Variants in ADCY10 observed in about 807,000 individuals in gnomAD.
ADCY10 encodes adenylate cyclase 10, also known as adenylate cyclase type 10.
Under a neutral mutation model 183.3 loss-of-function variants are expected in ADCY10, and 156 were observed. The ratio of observed to expected loss-of-function variants is 0.85; its 90% CI spans 0.75 to 0.97. The LOEUF is 0.97. Among genes scored for constraint, ADCY10 ranks in the 50% least tolerant of loss-of-function variants. ADCY10 has a pLI of 0.00. For missense variants in ADCY10, 1,745 were observed against 1,934.3 expected (o/e 0.90, Z 1.84); for synonymous variants, 645 against 670.0 (o/e 0.96, Z 0.58).
chr1:167,854,491 T>A lies in ADCY10; in HGVS notation c.2172-2A>T. 6.2e-7 allele frequency: 1 copy of A among 1,614,180 alleles called. No homozygotes were observed. The highest frequency in any genetic ancestry group is 8.5e-7 in the Non-Finnish European group (1 of 1,180,008). On this transcript the variant is annotated splice_acceptor_variant, in intron 17 of 32. Coordinates refer to ENST00000367851, the MANE Select transcript of ADCY10 (RefSeq NM_018417.6). LOFTEE classifies it high-confidence loss of function. ...CCACAGCTTCCCTCCCCCAGGTACC[T>A]GTAGTGAAAACAAGGCAATCTGTTT...
In ADCY10 at chr1:167,845,984, C is replaced by T; in HGVS notation, c.2716+1G>A. Reference sequence around the variant, plus strand: ...ATTGGGTCACTCCAGGTGCTACTCACCCATCCCTTCACTGGGCTTCAGAGA... The same window carrying T: ...ATTGGGTCACTCCAGGTGCTACTCATCCATCCCTTCACTGGGCTTCAGAGA... On this transcript the variant is annotated splice_donor_variant, in intron 20 of 32. Coordinates refer to ENST00000367851, the MANE Select transcript of ADCY10 (RefSeq NM_018417.6). LOFTEE classifies it high-confidence loss of function. The T allele has an allele frequency of 6.2e-7, 1 of 1,614,206 alleles. No homozygotes were observed. The highest frequency in any genetic ancestry group is 8.5e-7 in the Non-Finnish European group (1 of 1,180,036).
intron 10 of ADCY10, 35 bp downstream of exon 10, chr1:167,880,456 A>G: frequency 6.7e-7 from 1 of 1,498,806 alleles, no homozygotes; most frequent in East Asian, 2.3e-5. Context: ...CAAAAGGGTC[A>G]GGGACCGCTG....
At chr1:167,876,955 A>G (rs1000390077) in intron 12 of ADCY10, among the ~76,000 whole-genome samples, 8 of 152,092 alleles carry the variant, frequency 5.3e-5, no homozygotes, top group Non-Finnish European at 1.2e-4. Flanking sequence ...AGTTATCCCA[A>G]CTGAGGCCGC....
intron 8 of ADCY10, among the ~76,000 whole-genome samples, chr1:167,889,232 T>C (rs1427642427): frequency 1.3e-5 from 2 of 152,344 alleles, no homozygotes; most frequent in South Asian, 2.1e-4. Context: ...GCTTTTCTTA[T>C]GTTGAGGTAT....
chr1:167,845,422 G>C (rs1005360089), intron 21 of ADCY10, 141 bp downstream of exon 21: 1 of 821,984 alleles, frequency 1.2e-6, no homozygotes, highest in South Asian at 1.6e-5. Flanking sequence ...CATTGGCCTA[G>C]GCTGCTGAAG....
chr1:167,896,509 C>A (rs1668985326), intron 7 of ADCY10, 86 bp downstream of exon 7: 1 of 1,081,430 alleles, frequency 9.2e-7, no homozygotes, highest in Non-Finnish European at 1.4e-6. Flanking sequence ...GGAGCCCACC[C>A]ACCAGTAATG....
intron 29 of ADCY10, 22 bp downstream of exon 29, chr1:167,822,986 T>G (rs760352710): frequency 5.6e-6 from 9 of 1,608,240 alleles, no homozygotes; most frequent in Non-Finnish European, 7.7e-6. Context: ...CAAGTTCTTT[T>G]ACATCCCAAA....
chr1:167,871,726 A>C (rs562377573), intron 13 of ADCY10, among the ~76,000 whole-genome samples: 4 of 152,380 alleles, frequency 2.6e-5, no homozygotes, highest in African/African-American at 9.6e-5. Context: ...TAGACATTTA[A>C]TAAAAAGAAG....
chr1:167,865,888 C>T (rs1666642739), intron 14 of ADCY10, among the ~76,000 whole-genome samples: 1 of 152,192 alleles, frequency 6.6e-6, no homozygotes, highest in South Asian at 2.1e-4. Context: ...TAGCTCTTTT[C>T]CAGGATTCTA....
Position 167,880,479 on chromosome 1 carries a change from G to T in ADCY10, c.1139+12C>A, listed in dbSNP as rs1316836009. ...TCAGGGACCGCTGGGTGGGACCAGG[G>T]TCAATACTCACTGGATTTTGTGGAC... On this transcript the variant is annotated intron_variant, in intron 10 of 32. Coordinates refer to ENST00000367851, the MANE Select transcript of ADCY10 (RefSeq NM_018417.6). 5.0e-6 allele frequency: 8 copies of T among 1,597,122 alleles called. No homozygotes were observed. The highest frequency in any genetic ancestry group is 6.9e-6 in the Non-Finnish European group (8 of 1,164,606).
intron 11 of ADCY10, among the ~76,000 whole-genome samples, 156 bp downstream of exon 11, chr1:167,879,959 A>T (rs972941895): frequency 6.6e-6 from 1 of 152,192 alleles, no homozygotes; most frequent in African/African-American, 2.4e-5. Context: ...CTCTGCAAGC[A>T]TTGAGGGCTC....
intron 8 of ADCY10, among the ~76,000 whole-genome samples, chr1:167,891,599 T>C (rs965256692): frequency 6.8e-6 from 1 of 147,378 alleles, no homozygotes; most frequent in East Asian, 2.0e-4. Flanking sequence ...GAGCTTGCAG[T>C]GAGCCAAGAT....
Position 167,870,339 on chromosome 1 carries a change from A to T in ADCY10, c.1534T>A (p.Leu512Ile), listed in dbSNP as rs199679286. ...TATCCTGGTAATCCCTCATACATTA[A>T]GACTTGGCTGCTGTTAGATATCAAA... ...KFLISNSSQV[L>I]MYEGLPGYGK... is the part of the protein sequence containing the mutation. Residue 512 changes from leucine to isoleucine, a missense_variant, in exon 14 of 33, where the codon TTA becomes ATA. Leu to Ile is a conservative substitution (Grantham distance 5, BLOSUM62 2). Coordinates refer to ENST00000367851, the MANE Select transcript of ADCY10 (RefSeq NM_018417.6). 6.2e-7 allele frequency: 1 copy of T among 1,614,014 alleles called. No homozygotes were observed. Among genetic ancestry groups the T allele is most frequent in the East Asian group, 2.2e-5 (1 of 44,864 alleles).
In ADCY10 at chr1:167,856,405, T is replaced by C. The variant is rs1303128142; in HGVS notation, c.1931A>G (p.Asp644Gly). Residue 644 changes from aspartate (D) to glycine (G), a missense_variant, in exon 17 of 33, where the codon GAT (aspartate) becomes GGT (glycine). Transcript: ENST00000367851. ...GGTCGAATCCACAAACTGGGCCTCA[T>C]CAATGATAAAAATAATCCTTTCCTC... ...VKEERIIFIIDEAQFVDSTSW... is the reference protein window; with the variant it reads ...VKEERIIFIIGEAQFVDSTSW... 1.2e-6 allele frequency: 2 copies of C among 1,614,162 alleles called. No individual in the cohort carries two copies. Among genetic ancestry groups the C allele is most frequent in the East Asian group, 2.2e-5 (1 of 44,886 alleles).
At chr1:167,909,214 T>C (rs1248984026) in intron 1 of ADCY10, among the ~76,000 whole-genome samples, 1 of 152,234 alleles carries the variant, frequency 6.6e-6, no homozygotes, top group Non-Finnish European at 1.5e-5. Flanking sequence ...TCAATAATTG[T>C]TCATTTTCAA....
intron 1 of ADCY10, among the ~76,000 whole-genome samples, chr1:167,908,680 T>G (rs749867615): frequency 3.3e-5 from 5 of 152,198 alleles, no homozygotes; most frequent in Non-Finnish European, 7.3e-5. Flanking sequence ...TTTTTGTCAT[T>G]TTTGCCTTAA....
At chr1:167,864,730 AG>A (rs1271417637) in intron 14 of ADCY10, among the ~76,000 whole-genome samples, 1 of 152,190 alleles carries the variant, frequency 6.6e-6, no homozygotes. Flanking sequence ...TGATAATTAA[AG>A]GTATTCTCCG....
chr1:167,857,766 G>C (rs1410856610), intron 16 of ADCY10, among the ~76,000 whole-genome samples: 1 of 152,202 alleles, frequency 6.6e-6, no homozygotes. Context: ...GCACAGAGAA[G>C]TTAAGTAACT....
At chr1:167,811,406 G>A (rs1273211543) in intron 31 of ADCY10, among the ~76,000 whole-genome samples, 3 of 152,058 alleles carry the variant, frequency 2.0e-5, no homozygotes, top group Non-Finnish European at 4.4e-5. Flanking sequence ...GGCCAACATG[G>A]TGAAACTCCG....
Sources: allele counts gnomAD v4.1 joint callset (sites outside exome capture counted in the v4.1 genomes callset), GRCh38; gene constraint gnomAD v4.1.1; transcripts MANE v1.5; gene names NCBI Gene and HGNC (gene_info 2026-07-23, HGNC 2026-07-21).